The following WWOX variants were observed in gnomAD, a reference collection of about 807,000 sequenced individuals.
The protein encoded by WWOX is WW domain-containing oxidoreductase.
Under a neutral mutation model 46.2 loss-of-function variants are expected in WWOX, and 69 were observed. The ratio of observed to expected loss-of-function variants is 1.49; its 90% confidence interval spans 1.23 to 1.82. The LOEUF is 1.82. Among genes scored for constraint, WWOX ranks in the 40% most tolerant of loss-of-function variants. The pLI is 0.00. For synonymous variants in WWOX, 359 were observed against 202.6 expected, an observed-to-expected ratio of 1.77 and a Z score of -6.56; for missense variants, 919 against 542.6, an observed-to-expected ratio of 1.69 and a Z score of -6.89.
chr16:78,722,033 C>A (rs2048704536), intron 8 of WWOX, among the ~76,000 whole-genome samples: 1 of 152,200 alleles, frequency 6.6e-6, no homozygotes, highest in Non-Finnish European at 1.5e-5. Context: ...TGGTATTTTG[C>A]ATATTAATAC....
At chr16:78,178,995 A>G (rs149735867) in intron 5 of WWOX, among the ~76,000 whole-genome samples, 100 of 152,224 alleles carry the variant, frequency 6.6e-4, no homozygotes, top group African/African-American at 2.3e-3. Flanking sequence ...ATTTTGTATC[A>G]TTGGAGGAGA....
At chr16:78,839,886 G>C (rs2052091926) in intron 8 of WWOX, among the ~76,000 whole-genome samples, 2 of 152,152 alleles carry the variant, frequency 1.3e-5, no homozygotes, top group Non-Finnish European at 2.9e-5. Flanking sequence ...CCAGGAACTA[G>C]CGAAGCCTTC....
At chr16:79,106,936 T>C (rs1042584935) in intron 8 of WWOX, among the ~76,000 whole-genome samples, 6 of 151,152 alleles carry the variant, frequency 4.0e-5, no homozygotes, top group Admixed American at 2.0e-4. Flanking sequence ...GCCTCTCGAG[T>C]AGCTGGGATT....
chr16:78,428,369 C>T (rs147409427), intron 7 of WWOX, among the ~76,000 whole-genome samples: 1 of 152,268 alleles, frequency 6.6e-6, no homozygotes, highest in Non-Finnish European at 1.5e-5. Flanking sequence ...GCTGGCCCAC[C>T]CTTGCCACTT....
At chr16:78,361,869 C>A (rs1284120218) in intron 5 of WWOX, among the ~76,000 whole-genome samples, 1 of 152,068 alleles carries the variant, frequency 6.6e-6, no homozygotes, top group African/African-American at 2.4e-5. Context: ...ACCTCGGACT[C>A]CCAAAGTGCT....
intron 8 of WWOX, among the ~76,000 whole-genome samples, chr16:79,061,732 T>G (rs1213367607): frequency 6.6e-6 from 1 of 152,240 alleles, no homozygotes; most frequent in East Asian, 1.9e-4. Context: ...TCAGGGCTAC[T>G]TCTCTTAGAG....
chr16:78,247,957 T>A (rs893190096), intron 5 of WWOX, among the ~76,000 whole-genome samples: 10 of 152,202 alleles, frequency 6.6e-5, no homozygotes, highest in African/African-American at 2.4e-4. Context: ...TGGGCATTGA[T>A]TGCAGGGAGT....
chr16:78,686,853 G>A lies in WWOX; in HGVS notation c.1056+254101G>A, dbSNP rs145203374. Among the ~76,000 whole-genome samples, 649 of 152,280 alleles carry A rather than the reference G, an allele frequency of 4.3e-3. 4 individuals carry two copies. Among genetic ancestry groups the A allele is most frequent in the African/African-American group, 0.015 (612 of 41,570 alleles). On this transcript the variant is annotated intron_variant, in intron 8 of 8. Transcript: ENST00000566780. Reference sequence around the variant, plus strand: ...AGGCTTCGTTTTCGAAACTCACCCAGGAAGGCAGTGTTCTTCTTTTCAAAA... The same window carrying A: ...AGGCTTCGTTTTCGAAACTCACCCAAGAAGGCAGTGTTCTTCTTTTCAAAA...
intron 8 of WWOX, among the ~76,000 whole-genome samples, chr16:78,871,198 A>G (rs1415841848): frequency 6.6e-6 from 1 of 151,434 alleles, no homozygotes; most frequent in South Asian, 2.1e-4. Flanking sequence ...TTAATGAGGC[A>G]ATCAGGGGTA....
At chr16:79,095,011 C>G (rs1282867104) in intron 8 of WWOX, among the ~76,000 whole-genome samples, 1 of 152,154 alleles carries the variant, frequency 6.6e-6, no homozygotes, top group African/African-American at 2.4e-5. Flanking sequence ...TGGCTTATTT[C>G]TAAGTCCCTT....
intron 5 of WWOX, among the ~76,000 whole-genome samples, chr16:78,321,435 A>T (rs9937493): frequency 0.37 from 41,654 of 113,840 alleles, 8,632 homozygotes; most frequent in East Asian, 0.67. Flanking sequence ...TATATATATA[A>T]AAATATATTT....
chr16:78,578,316 G>T (rs1158530770), intron 8 of WWOX, among the ~76,000 whole-genome samples: 1 of 62,076 alleles, frequency 1.6e-5, no homozygotes, highest in African/African-American at 8.8e-5. Flanking sequence ...TTTGGTCGGA[G>T]TCTCACCCTT....
chr16:78,111,060 C>G (rs982569149), intron 3 of WWOX, among the ~76,000 whole-genome samples: 1 of 151,092 alleles, frequency 6.6e-6, no homozygotes, highest in Admixed American at 6.6e-5. Flanking sequence ...GTATTTGATT[C>G]AAGTACACCA....
chr16:78,278,686 A>G (rs1293526577), intron 5 of WWOX: 9 of 1,586,784 alleles, frequency 5.7e-6, no homozygotes, highest in Non-Finnish European at 6.9e-6. Context: ...AAGATCTTGA[A>G]TAGTCTCATC....
At chr16:79,035,170 A>G (rs2047841402) in intron 8 of WWOX, among the ~76,000 whole-genome samples, 2 of 152,190 alleles carry the variant, frequency 1.3e-5, no homozygotes, top group Admixed American at 6.5e-5. Context: ...TCATTTTTGC[A>G]TGTGCCACTT....
At chr16:78,219,017 C>T (rs1213604283) in intron 5 of WWOX, among the ~76,000 whole-genome samples, 3 of 152,112 alleles carry the variant, frequency 2.0e-5, no homozygotes, top group East Asian at 1.9e-4. Flanking sequence ...AAGTCCTTGG[C>T]GTCCAGGACT....
chr16:79,188,026 T>C (rs2051054493), intron 8 of WWOX, among the ~76,000 whole-genome samples: 1 of 152,226 alleles, frequency 6.6e-6, no homozygotes, highest in South Asian at 2.1e-4. Flanking sequence ...CAAACACAAA[T>C]TCCTTCTCCC....
At chr16:78,452,224 T>G (rs11150080) in intron 8 of WWOX, among the ~76,000 whole-genome samples, 1 of 152,090 alleles carries the variant, frequency 6.6e-6, no homozygotes, top group South Asian at 2.1e-4. Context: ...TCCGCACTCA[T>G]AAAAAGAGAT....
intron 8 of WWOX, among the ~76,000 whole-genome samples, chr16:78,625,440 A>C (rs1344081317): frequency 6.6e-6 from 1 of 152,118 alleles, no homozygotes; most frequent in African/African-American, 2.4e-5. Context: ...CTGTTGTTTA[A>C]TTTCAGTTGG....
Sources: allele counts gnomAD v4.1 joint callset (sites outside exome capture counted in the v4.1 genomes callset), GRCh38; gene constraint gnomAD v4.1.1; transcripts MANE v1.5; gene names NCBI Gene and HGNC (gene_info 2026-07-23, HGNC 2026-07-21).